SLC45A4: variants seen among roughly 807,000 people sequenced by gnomAD.
SLC45A4 encodes the protein polyamine-transporter SLC45A4.
SLC45A4 carries 32 observed loss-of-function variants against 63.7 expected under a neutral mutation model. That is an observed-to-expected ratio of 0.50 (90% CI 0.38 to 0.67). The LOEUF is 0.67. SLC45A4 is among the 30% of genes least tolerant of loss of function. The pLI is 0.00. For missense variants in SLC45A4, 1,027 were observed against 1,157.7 expected, an observed-to-expected ratio of 0.89 and a Z score of 1.64; for synonymous variants, 535 against 510.0, an observed-to-expected ratio of 1.05 and a Z score of -0.66.
At chr8:141,268,452 G>A (rs911397926) in intron 1 of SLC45A4, among the ~76,000 whole-genome samples, 13 of 152,144 alleles carry the variant, frequency 8.5e-5, no homozygotes, top group Non-Finnish European at 1.9e-4. Context: ...TCCGCACTGG[G>A]GTGACAGAGA....
chr8:141,240,297 T>C (rs1046524933), intron 2 of SLC45A4, among the ~76,000 whole-genome samples: 5 of 152,048 alleles, frequency 3.3e-5, no homozygotes, highest in African/African-American at 1.2e-4. Context: ...AACTCATGAG[T>C]CAAACTGAGA....
intron 1 of SLC45A4, among the ~76,000 whole-genome samples, chr8:141,279,641 C>T (rs1829861192): frequency 6.6e-6 from 1 of 152,174 alleles, no homozygotes; most frequent in Non-Finnish European, 1.5e-5. Flanking sequence ...TGACCTGGTG[C>T]ATCGCGCACC....
At chr8:141,258,389 G>A (rs189001300) in intron 1 of SLC45A4, among the ~76,000 whole-genome samples, 8 of 152,310 alleles carry the variant, frequency 5.3e-5, no homozygotes, top group Admixed American at 5.2e-4. Context: ...GCTCAGCTGC[G>A]CTCCAGCCAG....
At chr8:141,303,159 G>A (rs1425232869) in intron 1 of SLC45A4, among the ~76,000 whole-genome samples, 7 of 151,584 alleles carry the variant, frequency 4.6e-5, no homozygotes, top group African/African-American at 1.5e-4. Context: ...CACCGCATCC[G>A]GCTAATTTTT....
intron 1 of SLC45A4, among the ~76,000 whole-genome samples, chr8:141,300,400 T>C (rs1220969464): frequency 6.6e-6 from 1 of 152,240 alleles, no homozygotes; most frequent in East Asian, 1.9e-4. Context: ...CCAAATTTCA[T>C]TAGGTCTAAA....
intron 8 of SLC45A4, 153 bp from the exon 9 acceptor site, chr8:141,211,850 G>A (rs914968277): frequency 1.5e-5 from 19 of 1,299,654 alleles, no homozygotes; most frequent in Non-Finnish European, 1.9e-5. Flanking sequence ...GTTGCTTATT[G>A]TCTATATAAA....
At position 141,215,717 on chromosome 8, in the gene SLC45A4, C is replaced by G; in HGVS notation, c.1941+42G>C. 6.3e-7 allele frequency: 1 copy of G among 1,598,946 alleles called. No individual in the cohort carries two copies. Among genetic ancestry groups the G allele is most frequent in the Admixed American group, 1.7e-5 (1 of 59,996 alleles). On this transcript the variant is annotated intron_variant, in intron 7 of 8. Coordinates refer to ENST00000517878, the MANE Select transcript of SLC45A4 (RefSeq NM_001286646.2). This position sits in a 1 kb window ranked among gnomAD's most constrained non-coding sequence, Gnocchi z 4.3. ...CTGCTCTGTATGGAGGGAAGGCACT[C>G]AGGAGGCTGGAGCGCAGATCTCAGG... is the stretch of plus-strand genomic sequence containing the variant.
intron 1 of SLC45A4, among the ~76,000 whole-genome samples, chr8:141,301,140 A>G (rs1420809367): frequency 6.6e-6 from 1 of 152,142 alleles, no homozygotes; most frequent in Non-Finnish European, 1.5e-5. Flanking sequence ...CGCCTAGACA[A>G]GAGGAAGGCA....
chr8:141,292,882 T>C (rs1428553169), intron 1 of SLC45A4: 1 of 152,186 alleles, frequency 6.6e-6, no homozygotes, highest in Non-Finnish European at 1.5e-5. Flanking sequence ...AAATCAAGAC[T>C]AGAACCATCA....
intron 1 of SLC45A4, among the ~76,000 whole-genome samples, chr8:141,295,921 C>A (rs1038764988): frequency 2.0e-5 from 3 of 152,248 alleles, no homozygotes; most frequent in Non-Finnish European, 4.4e-5. Flanking sequence ...CCCTCTGGCA[C>A]AAAGGGACAA....
chr8:141,211,569 C>A lies in SLC45A4; in HGVS notation c.*3G>T. ...GCTGAGGAAAAGAAGATACGTCATTCTTCTAAGAGAACCACATTGTGGAAA... is the reference window on the plus strand; with the variant it reads ...GCTGAGGAAAAGAAGATACGTCATTATTCTAAGAGAACCACATTGTGGAAA... On this transcript the variant is annotated 3_prime_UTR_variant, in exon 9 of 9. Transcript: ENST00000517878. 1.2e-6 allele frequency: 2 copies of A among 1,613,346 alleles called. No individual in the cohort carries two copies. The highest frequency in any genetic ancestry group is 1.7e-6 in the Non-Finnish European group (2 of 1,179,970).
intron 1 of SLC45A4, among the ~76,000 whole-genome samples, chr8:141,287,046 G>A (rs1471002207): frequency 1.3e-5 from 2 of 152,120 alleles, no homozygotes; most frequent in Admixed American, 6.6e-5. Context: ...GTGACCTTGA[G>A]GAAGTCGCCT....
At chr8:141,236,329 C>T (rs945417512) in intron 2 of SLC45A4, among the ~76,000 whole-genome samples, 4 of 152,206 alleles carry the variant, frequency 2.6e-5, no homozygotes, top group African/African-American at 9.7e-5. Flanking sequence ...AACTCAAACT[C>T]TCAGTTTCCC....
Position 141,218,811 on chromosome 8 carries a change from G to T in SLC45A4, c.829C>A (p.Pro277Thr). 1 of 1,613,026 alleles carries T rather than the reference G, an allele frequency of 6.2e-7. No individual in the cohort carries two copies. Among genetic ancestry groups the T allele is most frequent in the Non-Finnish European group, 8.5e-7 (1 of 1,179,818 alleles). ...TCTGGGAAGGCAGGGACGCCGTGCG[G>T]CTCGCCCCCATCCAGGGCGCCGGGC... ...EEPGALDGGE[P>T]HGVPAFPDEV... is the part of the protein sequence containing the mutation. The change falls in exon 5 of 9, where the codon CCG becomes ACG. Residue 277 changes from proline to threonine, a missense_variant. Physicochemically the swap from Pro to Thr is conservative, Grantham distance 38 (BLOSUM62 -1). Transcript: ENST00000517878.
intron 1 of SLC45A4, among the ~76,000 whole-genome samples, chr8:141,299,350 T>C (rs1830668858): frequency 6.6e-6 from 1 of 152,204 alleles, no homozygotes; most frequent in Admixed American, 6.5e-5. Context: ...AATAGTTCAG[T>C]AGTGGACTAG....
intron 2 of SLC45A4, among the ~76,000 whole-genome samples, chr8:141,239,824 G>A (rs1827818062): frequency 6.6e-6 from 1 of 152,196 alleles, no homozygotes; most frequent in Non-Finnish European, 1.5e-5. Context: ...GTGACTCAGT[G>A]CGGGGCTGAG....
rs560209896 is a variant in SLC45A4 at position 141,273,230 on chromosome 8, G to C, written c.-400-18601C>G. On this transcript the variant is annotated intron_variant, in intron 1 of 8. Transcript: ENST00000517878. ...TTGATTTGCATGATCAGCTGAGTAG[G>C]TTTTTGGATTTTTAATTAAGAGGCA... is the stretch of plus-strand genomic sequence containing the variant. Among the ~76,000 whole-genome samples, 5 of 152,304 alleles carry C rather than the reference G, an allele frequency of 3.3e-5. No individual in the cohort carries two copies. In the South Asian group the frequency reaches 6.2e-4, roughly 19 times the overall value.
At chr8:141,267,947 A>C (rs1408482894) in intron 1 of SLC45A4, among the ~76,000 whole-genome samples, 1 of 152,238 alleles carries the variant, frequency 6.6e-6, no homozygotes, top group Non-Finnish European at 1.5e-5. Flanking sequence ...GCCACCCAGC[A>C]ACCAAGTTCC....
intron 1 of SLC45A4, among the ~76,000 whole-genome samples, chr8:141,264,249 G>C (rs1477884781): frequency 1.3e-5 from 2 of 152,186 alleles, no homozygotes; most frequent in African/African-American, 2.4e-5. Flanking sequence ...GAGCCACTTT[G>C]CATCTCCCGG....
Sources: gnomAD v4.1 joint callset for allele counts (sites outside exome capture counted in the v4.1 genomes callset) on GRCh38, gnomAD v4.1.1 for gene constraint, Gnocchi (gnomAD v3.1) non-coding constraint, MANE v1.5 for transcripts, NCBI Gene and HGNC (gene_info 2026-07-23, HGNC 2026-07-21) for gene names.